RPS6KC1: variants seen among roughly 807,000 people sequenced by gnomAD.
RPS6KC1 encodes inactive ribosomal protein S6 kinase delta-1.
A neutral mutation model predicts 103.8 loss-of-function variants in RPS6KC1; 54 were observed. The observed-to-expected ratio is 0.52, with a 90% confidence interval of 0.42 to 0.65. The LOEUF (loss-of-function observed/expected upper bound fraction) is 0.65. RPS6KC1 is among the 30% of genes least tolerant of loss of function. The probability of loss-of-function intolerance (pLI) is 0.00; values close to 1 mark genes in which losing one functional copy is unlikely to be tolerated. For synonymous variants in RPS6KC1, 439 were observed against 438.7 expected (o/e 1.00, Z -0.01); for missense variants, 1,151 against 1,253.8 (o/e 0.92, Z 1.24).
chr1:213,275,690 A>G (rs1485320634), downstream of RPS6KC1, among the ~76,000 whole-genome samples: 1 of 152,224 alleles, frequency 6.6e-6, no homozygotes, highest in Non-Finnish European at 1.5e-5. Flanking sequence ...TAACTTATCC[A>G]TCACCTCAAA....
At chr1:213,832,478 T>C in the RPS6KC1 span, 1 of 152,214 alleles carries the variant, frequency 6.6e-6, no homozygotes, top group Non-Finnish European at 1.5e-5. Flanking sequence ...ATCCACACCT[T>C]AACACATGCT....
chr1:213,497,420 A>G, the RPS6KC1 span, among the ~76,000 whole-genome samples: 7 of 152,010 alleles, frequency 4.6e-5, no homozygotes, highest in African/African-American at 1.7e-4. Flanking sequence ...ACCAAATAAC[A>G]ATTAAACCCC....
the RPS6KC1 span, among the ~76,000 whole-genome samples, chr1:213,611,407 G>A: frequency 2.0e-5 from 3 of 152,116 alleles, no homozygotes; most frequent in Non-Finnish European, 4.4e-5. Flanking sequence ...GTTGGGGAGG[G>A]GTGGATAAGG....
At chr1:213,293,640 CCAGCCTGGGTGA>C in the RPS6KC1 span, among the ~76,000 whole-genome samples, 1 of 152,036 alleles carries the variant, frequency 6.6e-6, no homozygotes. Context: ...CCACTGCATT[CCAGCCTGGGTGA>C]CAGAACGAGA....
chr1:213,687,616 A>G, the RPS6KC1 span, among the ~76,000 whole-genome samples: 3 of 152,222 alleles, frequency 2.0e-5, no homozygotes, highest in Non-Finnish European at 4.4e-5. Flanking sequence ...ACACAATGGT[A>G]GATGGGTGGA....
the RPS6KC1 span, among the ~76,000 whole-genome samples, chr1:213,488,980 G>A: frequency 6.6e-6 from 1 of 152,190 alleles, no homozygotes; most frequent in Non-Finnish European, 1.5e-5. Flanking sequence ...ATGGGTTTAT[G>A]TTCTCTTTTC....
chr1:213,314,488 CT>C, the RPS6KC1 span, among the ~76,000 whole-genome samples: 12 of 152,194 alleles, frequency 7.9e-5, no homozygotes, highest in Non-Finnish European at 1.8e-4. Context: ...TCCTGAGATT[CT>C]TTTTAAAAGA....
chr1:213,326,068 A>T, the RPS6KC1 span, among the ~76,000 whole-genome samples: 1 of 152,140 alleles, frequency 6.6e-6, no homozygotes, highest in Non-Finnish European at 1.5e-5. Flanking sequence ...TTGCCCATTC[A>T]AGAAAATGAA....
At chr1:213,377,371 G>T in the RPS6KC1 span, among the ~76,000 whole-genome samples, 3 of 152,254 alleles carry the variant, frequency 2.0e-5, no homozygotes, top group Non-Finnish European at 4.4e-5. Context: ...GTCTGAACTG[G>T]GAGTACCCTA....
chr1:213,517,680 T>TGGTGC, the RPS6KC1 span, among the ~76,000 whole-genome samples: 1 of 152,202 alleles, frequency 6.6e-6, no homozygotes, highest in Non-Finnish European at 1.5e-5. Flanking sequence ...AGGTGTGGTG[T>TGGTGC]GGTGCTGAAA....
the RPS6KC1 span, among the ~76,000 whole-genome samples, chr1:213,418,439 G>A: frequency 2.0e-5 from 3 of 152,062 alleles, no homozygotes; most frequent in Non-Finnish European, 4.4e-5. Context: ...GAGGCGTCTG[G>A]GTGCTCTGGC....
chr1:213,437,724 A>G, the RPS6KC1 span, among the ~76,000 whole-genome samples: 101,646 of 151,432 alleles, frequency 0.67, 34,721 homozygotes, highest in East Asian at 0.87. Context: ...TTAATTTGTC[A>G]ATTTTGCTTA....
At chr1:213,181,986 A>T (rs891232564) in intron 8 of RPS6KC1, among the ~76,000 whole-genome samples, 3 of 152,272 alleles carry the variant, frequency 2.0e-5, no homozygotes, top group Non-Finnish European at 4.4e-5. Flanking sequence ...TTGAAGCAAA[A>T]ATTCTAACAC....
At chr1:213,746,612 T>A in the RPS6KC1 span, among the ~76,000 whole-genome samples, 2 of 152,300 alleles carry the variant, frequency 1.3e-5, no homozygotes, top group East Asian at 3.9e-4. Flanking sequence ...AACTTAAATT[T>A]TCAAAAGATT....
chr1:213,454,300 C>T, the RPS6KC1 span, among the ~76,000 whole-genome samples: 1 of 151,962 alleles, frequency 6.6e-6, no homozygotes, highest in African/African-American at 2.4e-5. Flanking sequence ...ATCTGACACC[C>T]CTTCAAGGGC....
At chr1:213,674,394 C>T in the RPS6KC1 span, among the ~76,000 whole-genome samples, 3 of 152,186 alleles carry the variant, frequency 2.0e-5, no homozygotes, top group Non-Finnish European at 4.4e-5. Flanking sequence ...GTTTGGTGTT[C>T]TGTTCCTATA....
the RPS6KC1 span, among the ~76,000 whole-genome samples, chr1:213,853,929 A>C: frequency 6.6e-6 from 1 of 152,172 alleles, no homozygotes; most frequent in Non-Finnish European, 1.5e-5. Flanking sequence ...GGTTTGTTCA[A>C]ATATAACACC....
chr1:213,485,733 G>T, the RPS6KC1 span, among the ~76,000 whole-genome samples: 1 of 152,174 alleles, frequency 6.6e-6, no homozygotes, highest in Non-Finnish European at 1.5e-5. Context: ...TGCTATCAGA[G>T]TCTAGGGCAG....
chr1:213,211,064 T>TA (rs1363672751), intron 8 of RPS6KC1, among the ~76,000 whole-genome samples: 1 of 152,234 alleles, frequency 6.6e-6, no homozygotes, highest in Non-Finnish European at 1.5e-5. Flanking sequence ...TGAAATAGTT[T>TA]ACATCAGCAT....
Sources: gnomAD v4.1 joint callset for allele counts (sites outside exome capture counted in the v4.1 genomes callset) on GRCh38, gnomAD v4.1.1 for gene constraint, MANE v1.5 for transcripts, NCBI Gene and HGNC (gene_info 2026-07-23, HGNC 2026-07-21) for gene names.